ADAMTSL1: variants seen among roughly 807,000 people sequenced by gnomAD.
ADAMTSL1 encodes ADAMTS like 1, also known as ADAMTS-like protein 1.
ADAMTSL1 carries 126 observed loss-of-function variants against 201.8 expected under a neutral mutation model. That is an observed-to-expected ratio of 0.62 (90% confidence interval 0.54 to 0.72). ADAMTSL1 has a LOEUF of 0.72. ADAMTSL1 is among the 30% of genes least tolerant of loss of function. The probability of loss-of-function intolerance (pLI) is 0.00; values close to 1 mark genes in which losing one functional copy is unlikely to be tolerated. For synonymous variants in ADAMTSL1, 1,121 were observed against 903.4 expected (o/e 1.24, Z -4.32); for missense variants, 2,679 against 2,277.8 (o/e 1.18, Z -3.59).
chr9:18,831,011 G>A (rs373026623), intron 23 of ADAMTSL1, among the ~76,000 whole-genome samples: 67 of 152,280 alleles, frequency 4.4e-4, no homozygotes, highest in African/African-American at 1.3e-3. Flanking sequence ...GTTCCCAGTC[G>A]TATTGGTGAT....
intron 2 of ADAMTSL1, among the ~76,000 whole-genome samples, chr9:18,514,006 GT>G (rs1367046495): frequency 6.6e-6 from 1 of 152,108 alleles, no homozygotes; most frequent in Non-Finnish European, 1.5e-5. Context: ...TTTTAGAACT[GT>G]TTTTTCCATT....
chr9:18,309,626 T>C (rs61674850), intron 2 of ADAMTSL1, among the ~76,000 whole-genome samples: 10,452 of 151,934 alleles, frequency 0.069, 1,161 homozygotes, highest in African/African-American at 0.24. Context: ...GTACAACTTA[T>C]AAGGGATGTG....
intron 1 of ADAMTSL1, among the ~76,000 whole-genome samples, chr9:18,008,538 C>T (rs1216158008): frequency 1.3e-5 from 2 of 151,888 alleles, no homozygotes; most frequent in South Asian, 2.1e-4. Context: ...AGGGGTTTAA[C>T]ACAACACAAA....
intron 2 of ADAMTSL1, among the ~76,000 whole-genome samples, chr9:18,261,414 G>A (rs1055951545): frequency 4.6e-5 from 7 of 152,088 alleles, no homozygotes; most frequent in East Asian, 1.9e-4. Context: ...AGCTGCATTA[G>A]GCAAGTAAAG....
chr9:18,396,894 A>G lies in ADAMTSL1; in HGVS notation c.208-107935A>G, dbSNP rs148998759. Among the ~76,000 whole-genome samples, 216 of 152,308 alleles carry G rather than the reference A, an allele frequency of 1.4e-3. 1 individual carries two copies. Among genetic ancestry groups the G allele is most frequent in the African/African-American group, 5.1e-3 (211 of 41,582 alleles). On this transcript the variant is annotated intron_variant, in intron 2 of 29. Transcript: ENST00000680146. ...TTGTTTAAAAACAAAAGCAAGAAAC[A>G]AAACCTTAGTACATTCCTAAATAGG...
At chr9:17,943,854 C>T (rs1169736793) in intron 1 of ADAMTSL1, among the ~76,000 whole-genome samples, 1 of 152,028 alleles carries the variant, frequency 6.6e-6, no homozygotes, top group Non-Finnish European at 1.5e-5. Context: ...ATCTGGTTGG[C>T]TTCTGGGGAG....
chr9:18,682,050 A>G, intron 12 of ADAMTSL1, 91 bp downstream of exon 12: 1 of 1,356,226 alleles, frequency 7.4e-7, no homozygotes, highest in Non-Finnish European at 1.0e-6. Context: ...TAAGTATCCC[A>G]AGTATTCTTA....
intron 1 of ADAMTSL1, among the ~76,000 whole-genome samples, chr9:18,477,313 G>C (rs377169739): frequency 1.3e-5 from 2 of 152,148 alleles, no homozygotes; most frequent in Non-Finnish European, 2.9e-5. Flanking sequence ...GCCTGCTATT[G>C]TGAGAGTTGC....
intron 2 of ADAMTSL1, among the ~76,000 whole-genome samples, chr9:18,253,805 T>G (rs1345635200): frequency 2.0e-5 from 3 of 152,108 alleles, no homozygotes; most frequent in Non-Finnish European, 4.4e-5. Flanking sequence ...AAATAACAAT[T>G]CCACTAGAAT....
chr9:17,946,690 A>C (rs2811823), intron 1 of ADAMTSL1, among the ~76,000 whole-genome samples: 145,610 of 152,168 alleles, frequency 0.96, 69,834 homozygotes, highest in East Asian at 1. Flanking sequence ...GAGAATTTCC[A>C]ATTAAATCTT....
At chr9:18,524,215 G>A (rs1453882041) in intron 2 of ADAMTSL1, among the ~76,000 whole-genome samples, 1 of 152,220 alleles carries the variant, frequency 6.6e-6, no homozygotes, top group South Asian at 2.1e-4. Context: ...GTGAATGGGA[G>A]TTCTCTCATG....
chr9:18,552,902 T>C (rs1437417448), intron 3 of ADAMTSL1, among the ~76,000 whole-genome samples: 1 of 151,546 alleles, frequency 6.6e-6, no homozygotes, highest in Non-Finnish European at 1.5e-5. Flanking sequence ...CCTTTCTTTA[T>C]CTTTATGGAT....
At chr9:18,747,068 A>C (rs1480744714) in intron 15 of ADAMTSL1, among the ~76,000 whole-genome samples, 1 of 152,174 alleles carries the variant, frequency 6.6e-6, no homozygotes, top group Non-Finnish European at 1.5e-5. Flanking sequence ...TGATTTTCTG[A>C]AACTATAAGC....
At chr9:18,300,535 A>C (rs1057321556) in intron 2 of ADAMTSL1, among the ~76,000 whole-genome samples, 1 of 152,194 alleles carries the variant, frequency 6.6e-6, no homozygotes, top group Non-Finnish European at 1.5e-5. Context: ...GGGTGCAGCA[A>C]ACCAGCATGG....
Position 18,707,058 on chromosome 9 carries a change from G to A in ADAMTSL1, c.1876+10G>A. On this transcript the variant is annotated intron_variant, in intron 14 of 28. Coordinates refer to ENST00000380548, the MANE Select transcript of ADAMTSL1 (RefSeq NM_001040272.6). ...GAGTCCTGTGGAGGAGGTAAGAAAGGGGGCTCTGGCTCAGATCCCCGCCAT... is the reference window on the plus strand; with the variant it reads ...GAGTCCTGTGGAGGAGGTAAGAAAGAGGGCTCTGGCTCAGATCCCCGCCAT... The A allele has an allele frequency of 6.2e-7, 1 of 1,608,418 alleles. No individual in the cohort carries two copies. The highest frequency in any genetic ancestry group is 1.1e-5 in the South Asian group (1 of 90,602).
rs1431011977 is a variant in ADAMTSL1, at chr9:18,908,645, T to G, written c.*97T>G. 13 of 997,320 alleles carry G rather than the reference T, an allele frequency of 1.3e-5. 1 individual carries two copies. In the Admixed American group the frequency reaches 3.1e-4, roughly 24 times the overall value. 61.8% of individuals were successfully genotyped at this position (997,320 alleles called of 1,614,324 possible). ...AGCTTTCTTCATTTTATTTATTTATTTCCCCCTCCCCACTCCACACACACC... is the reference window on the plus strand; with the variant it reads ...AGCTTTCTTCATTTTATTTATTTATGTCCCCCTCCCCACTCCACACACACC... On this transcript the variant is annotated 3_prime_UTR_variant, in exon 29 of 29. Transcript: ENST00000380548.
intron 20 of ADAMTSL1, 128 bp from the exon 21 acceptor site, chr9:18,816,981 A>G: frequency 8.0e-7 from 1 of 1,243,524 alleles, no homozygotes; most frequent in Non-Finnish European, 1.1e-6. Flanking sequence ...TTTTCAAGAG[A>G]AAACATAGTT....
At chr9:18,069,440 G>A (rs991207543) in intron 1 of ADAMTSL1, among the ~76,000 whole-genome samples, 3 of 152,106 alleles carry the variant, frequency 2.0e-5, no homozygotes, top group Non-Finnish European at 2.9e-5. Context: ...TATGGAAAAT[G>A]CAAACACTGA....
At chr9:18,733,269 C>A (rs764580206) in intron 15 of ADAMTSL1, among the ~76,000 whole-genome samples, 2 of 152,162 alleles carry the variant, frequency 1.3e-5, no homozygotes, top group Non-Finnish European at 1.5e-5. Context: ...TATCAGATAA[C>A]CTTCATCTTA....
Sources: allele counts gnomAD v4.1 joint callset (sites outside exome capture counted in the v4.1 genomes callset), GRCh38; gene constraint gnomAD v4.1.1; transcripts MANE v1.5; gene names NCBI Gene and HGNC (gene_info 2026-07-23, HGNC 2026-07-21).